The following EML6 variants were observed in gnomAD, a reference collection of about 807,000 sequenced individuals.
The protein encoded by EML6 is echinoderm microtubule-associated protein-like 6.
Under a neutral mutation model 240.1 loss-of-function variants are expected in EML6, and 154 were observed. The observed-to-expected ratio is 0.64, with a 90% CI of 0.56 to 0.73. The LOEUF (loss-of-function observed/expected upper bound fraction) is 0.73. EML6 is among the 30% of genes least tolerant of loss of function. EML6 has a pLI of 0.00. For synonymous variants in EML6, 1,148 were observed against 899.0 expected (o/e 1.28, Z -4.95); for missense variants, 2,964 against 2,474.6 (o/e 1.20, Z -4.20).
intron 2 of EML6, among the ~76,000 whole-genome samples, chr2:54,799,556 G>A (rs1181264857): frequency 2.0e-5 from 3 of 152,194 alleles, no homozygotes; most frequent in South Asian, 2.1e-4. Flanking sequence ...TGTTGGCCAG[G>A]ATGGTCTCGA....
intron 2 of EML6, among the ~76,000 whole-genome samples, chr2:54,757,672 C>T (rs1350298192): frequency 2.0e-5 from 3 of 152,124 alleles, no homozygotes; most frequent in Non-Finnish European, 2.9e-5. Context: ...TTTACACAAG[C>T]TCTCAACTAG....
intron 2 of EML6, among the ~76,000 whole-genome samples, chr2:54,788,275 A>T (rs1246060210): frequency 2.6e-5 from 4 of 152,196 alleles, no homozygotes; most frequent in African/African-American, 4.8e-5. Flanking sequence ...TCTCTCTGGC[A>T]TCTGTAAGTA....
chr2:54,886,031 G>C (rs137918139), intron 17 of EML6, among the ~76,000 whole-genome samples: 2 of 151,610 alleles, frequency 1.3e-5, no homozygotes, highest in Non-Finnish European at 2.9e-5. Context: ...TTTTATTGTG[G>C]AAAATTTCAA....
At chr2:54,889,095 A>G (rs370975729) in intron 17 of EML6, among the ~76,000 whole-genome samples, 1 of 152,172 alleles carries the variant, frequency 6.6e-6, no homozygotes. Context: ...TCTTTGTTAT[A>G]CACTACATTT....
chr2:54,916,889 C>T lies in EML6; in HGVS notation c.3629C>T (p.Thr1210Ile), dbSNP rs759324398. 2.6e-6 allele frequency: 4 copies of T among 1,548,464 alleles called. No individual in the cohort carries two copies. Among genetic ancestry groups the T allele is most frequent in the South Asian group, 1.2e-5 (1 of 83,912 alleles). ...ACCAAAGACTGTTCCCTTTTAGCCA[C>T]CGGAGATGATTTTGGTTTCGTTAAG... is the stretch of plus-strand genomic sequence containing the variant. ...SLTKDCSLLA[T>I]GDDFGFVKLF... The change falls in exon 26 of 42, where the codon ACC becomes ATC. Residue 1210 changes from threonine to isoleucine, a missense_variant. By Grantham distance (89) the Thr-to-Ile change is moderately conservative. Coordinates refer to ENST00000356458, the MANE Select transcript of EML6 (RefSeq NM_001039753.4).
chr2:54,952,689 ATAGG>A lies in EML6; in HGVS notation c.4312+2_4312+5del. ...CAGAAACGTGGTGGCCACCAGCCAG[ATAGG>A]TAGGAGGTCCTGTGGCAGCTGAGGC... is the stretch of plus-strand genomic sequence containing the variant. On this transcript the variant is annotated splice_donor_variant and coding_sequence_variant, in exon 31 of 42. Coordinates refer to ENST00000356458, the MANE Select transcript of EML6 (RefSeq NM_001039753.4). LOFTEE classifies it high-confidence loss of function. 2 of 1,549,476 alleles carry A rather than the reference ATAGG, an allele frequency of 1.3e-6. No individual in the cohort carries two copies. The highest frequency in any genetic ancestry group is 1.7e-6 in the Non-Finnish European group (2 of 1,145,224).
intron 38 of EML6, 78 bp downstream of exon 38, chr2:54,964,811 C>T (rs1178088067): frequency 1.5e-6 from 2 of 1,367,740 alleles, no homozygotes; most frequent in Non-Finnish European, 1.0e-6. Flanking sequence ...TAATCGAGTC[C>T]TTACTGTGTA....
chr2:54,825,832 C>G (rs1051819318), intron 5 of EML6, among the ~76,000 whole-genome samples: 1 of 152,154 alleles, frequency 6.6e-6, no homozygotes, highest in Admixed American at 6.5e-5. Flanking sequence ...CCCAACTACT[C>G]TGAGAGGACC....
intron 2 of EML6, among the ~76,000 whole-genome samples, chr2:54,742,710 G>A (rs983351052): frequency 1.3e-5 from 2 of 152,158 alleles, no homozygotes; most frequent in Admixed American, 6.5e-5. Context: ...GCCAGCCTCA[G>A]CTTCTTCCTC....
intron 24 of EML6, among the ~76,000 whole-genome samples, chr2:54,905,321 G>A (rs1375038114): frequency 8.2e-6 from 1 of 121,584 alleles, no homozygotes; most frequent in African/African-American, 3.2e-5. Context: ...TTTAGAATCC[G>A]ACACACACAC....
rs1462087520 is a variant in EML6, at chr2:54,725,930, A to G, written c.197+672A>G. On this transcript the variant is annotated intron_variant, in intron 2 of 41. Transcript: ENST00000356458. The surrounding 1 kb of genome is among the most constrained non-coding windows in gnomAD (Gnocchi z 4.3). ...GCCCACACAATGACCAACATCTGCT[A>G]GCGGATGGCCCAAGACTGACTGACA... Among the ~76,000 whole-genome samples, 1 of 151,968 alleles carries G rather than the reference A, an allele frequency of 6.6e-6. No homozygotes were observed. Among genetic ancestry groups the G allele is most frequent in the Non-Finnish European group, 1.5e-5 (1 of 67,950 alleles).
At chr2:54,901,827 C>T (rs891166187) in intron 22 of EML6, among the ~76,000 whole-genome samples, 4 of 152,150 alleles carry the variant, frequency 2.6e-5, no homozygotes, top group African/African-American at 7.2e-5. Context: ...TTACAACGCT[C>T]GACAATAAGA....
At chr2:54,872,167 A>G (rs1671290831) in intron 16 of EML6, among the ~76,000 whole-genome samples, 1 of 152,204 alleles carries the variant, frequency 6.6e-6, no homozygotes, top group Non-Finnish European at 1.5e-5. Context: ...ACAGTATCAT[A>G]AAAAATAACT....
At chr2:54,815,419 A>G (rs113559212) in intron 3 of EML6, among the ~76,000 whole-genome samples, 10 of 152,354 alleles carry the variant, frequency 6.6e-5, no homozygotes, top group African/African-American at 2.4e-4. Flanking sequence ...ACAATAGACA[A>G]AAGGCAATAA....
chr2:54,863,486 G>A (rs6723638), intron 12 of EML6, among the ~76,000 whole-genome samples: 76,985 of 151,908 alleles, frequency 0.51, 21,639 homozygotes, highest in African/African-American at 0.76. Flanking sequence ...GTGCCACTGC[G>A]TTCCAGCCTA....
chr2:54,723,971 C>T (rs59493003), intron 1 of EML6, among the ~76,000 whole-genome samples, 194 bp downstream of exon 1: 239 of 152,284 alleles, frequency 1.6e-3, no homozygotes, highest in African/African-American at 5.5e-3. Context: ...CTCGGGCGAC[C>T]CCTCTCCACG....
At chr2:54,859,178 C>G (rs1670544011) in intron 11 of EML6, among the ~76,000 whole-genome samples, 1 of 152,168 alleles carries the variant, frequency 6.6e-6, no homozygotes, top group Admixed American at 6.6e-5. Context: ...TTTTCTGTTT[C>G]CCTGTTAAAC....
At chr2:54,923,367 G>GCACACACACACACACACACACACA (rs113101367) in intron 26 of EML6, among the ~76,000 whole-genome samples, 14 of 144,364 alleles carry the variant, frequency 9.7e-5, no homozygotes, top group Non-Finnish European at 2.0e-4. Flanking sequence ...CTCACCAAAC[G>GCACACACACACACACACACACACA]CACACACACA....
intron 5 of EML6, among the ~76,000 whole-genome samples, chr2:54,822,903 A>G (rs1335112777): frequency 2.0e-5 from 3 of 152,200 alleles, no homozygotes; most frequent in East Asian, 1.9e-4. Flanking sequence ...TATTCCATCA[A>G]CACTTTAGGG....
Sources: gnomAD v4.1 joint callset for allele counts (sites outside exome capture counted in the v4.1 genomes callset) on GRCh38, gnomAD v4.1.1 for gene constraint, Gnocchi (gnomAD v3.1) non-coding constraint, MANE v1.5 for transcripts, NCBI Gene and HGNC (gene_info 2026-07-23, HGNC 2026-07-21) for gene names.